The following KMT5B variants were observed in gnomAD, a reference collection of about 807,000 sequenced individuals.
KMT5B encodes histone-lysine N-methyltransferase KMT5B.
Under a neutral mutation model 83.2 loss-of-function variants are expected in KMT5B, and 10 were observed. The ratio of observed to expected loss-of-function variants is 0.12; its 90% CI spans 0.07 to 0.20. The LOEUF (loss-of-function observed/expected upper bound fraction) is 0.20. KMT5B is among the 10% of genes least tolerant of loss of function. KMT5B has a pLI of 1.00. For missense variants in KMT5B, 753 were observed against 1,067.2 expected (o/e 0.71, Z 4.10); for synonymous variants, 349 against 388.8 (o/e 0.90, Z 1.20).
intron 3 of KMT5B, among the ~76,000 whole-genome samples, chr11:68,182,093 G>GA (rs1477777017): frequency 1.3e-5 from 2 of 152,216 alleles, no homozygotes; most frequent in Non-Finnish European, 2.9e-5. Context: ...ATTCTATGGG[G>GA]AAAAATCTTA....
chr11:68,181,610 C>G (rs1476169983), intron 3 of KMT5B, among the ~76,000 whole-genome samples: 1 of 152,178 alleles, frequency 6.6e-6, no homozygotes, highest in Non-Finnish European at 1.5e-5. Context: ...CATAAACTAA[C>G]AATTTAAGAA....
chr11:68,176,709 C>T (rs1052683569), intron 4 of KMT5B: 18 of 152,082 alleles, frequency 1.2e-4, no homozygotes, highest in African/African-American at 3.9e-4. Flanking sequence ...TGCTTGAACT[C>T]GAGAGTTGAA....
rs1417582444 is a variant in KMT5B, at chr11:68,175,210, G to A, written c.378-27C>T. 4.4e-6 allele frequency: 7 copies of A among 1,591,958 alleles called. No homozygotes were observed. The East Asian group carries it at 1.3e-4, about 31-fold the overall frequency. ...TGAAAGAAATCAAAAGAATGAATGGGTTATCTGCCACAATCCTTGCGCCAC... is the reference window on the plus strand; with the variant it reads ...TGAAAGAAATCAAAAGAATGAATGGATTATCTGCCACAATCCTTGCGCCAC... On this transcript the variant is annotated intron_variant, in intron 4 of 10. Transcript: ENST00000304363.
chr11:68,212,527 T>C (rs574849800), intron 1 of KMT5B: 31 of 152,434 alleles, frequency 2.0e-4, no homozygotes, highest in African/African-American at 7.5e-4. Flanking sequence ...CGAGTTGTCA[T>C]TGTTCCTCCT....
intron 1 of KMT5B, among the ~76,000 whole-genome samples, chr11:68,202,509 T>C (rs1346780005): frequency 6.6e-6 from 1 of 151,670 alleles, no homozygotes; most frequent in Non-Finnish European, 1.5e-5. Flanking sequence ...TGTGTAATTA[T>C]CTGGTAACAC....
chr11:68,190,175 A>G, intron 1 of KMT5B, 23 bp from the exon 2 acceptor site: 1 of 1,092,132 alleles, frequency 9.2e-7, no homozygotes, highest in East Asian at 2.4e-5. Context: ...AAATATGAAA[A>G]ACAAAACAAA....
At chr11:68,161,604 G>A (rs983269299) in intron 10 of KMT5B, among the ~76,000 whole-genome samples, 5 of 152,060 alleles carry the variant, frequency 3.3e-5, no homozygotes, top group East Asian at 1.9e-4. Flanking sequence ...ACTTCTTGTC[G>A]TCAAACCCAG....
rs1859387284 is a variant in KMT5B, at chr11:68,157,535, TTGAG to T, written c.*149_*152del. 8.9e-7 allele frequency: 1 copy of T among 1,128,046 alleles called. No homozygotes were observed. Among genetic ancestry groups the T allele is most frequent in the Non-Finnish European group, 1.1e-6 (1 of 871,318 alleles). The allele number at this position is 1,128,046 out of a possible 1,614,324, so 69.9% of individuals were successfully genotyped here. A position where few individuals can be genotyped will look rare whatever the true frequency, so the allele number is the denominator to read the frequency against. ...AATTTGCACAAATCAGACTTAAGAA[TTGAG>T]TCAGTATGCTGTACACTTTCTACAA... On this transcript the variant is annotated 3_prime_UTR_variant, in exon 11 of 11. Coordinates refer to ENST00000304363, the MANE Select transcript of KMT5B (RefSeq NM_017635.5).
intron 1 of KMT5B, among the ~76,000 whole-genome samples, chr11:68,191,461 G>A (rs1403506707): frequency 3.9e-5 from 6 of 152,044 alleles, no homozygotes; most frequent in Non-Finnish European, 8.8e-5. Flanking sequence ...AGTCTCCTGA[G>A]TAGGTGGGAT....
intron 10 of KMT5B, among the ~76,000 whole-genome samples, chr11:68,164,269 T>C (rs997874188): frequency 3.3e-5 from 5 of 152,212 alleles, no homozygotes; most frequent in African/African-American, 1.2e-4. Flanking sequence ...TTTTTATACA[T>C]GTGTTCAAAG....
Position 68,157,564 on chromosome 11 carries a change from A to C in KMT5B, c.*124T>G. On this transcript the variant is annotated 3_prime_UTR_variant, in exon 11 of 11. Transcript: ENST00000304363. Reference sequence around the variant, plus strand: ...GTCAGTATGCTGTACACTTTCTACAATAGTATGCTGATAAGTGAAGGGACA... The same window carrying C: ...GTCAGTATGCTGTACACTTTCTACACTAGTATGCTGATAAGTGAAGGGACA... 1 of 1,378,122 alleles carries C rather than the reference A, an allele frequency of 7.3e-7. No individual in the cohort carries two copies. 85.4% of individuals were successfully genotyped at this position (1,378,122 alleles called of 1,614,324 possible).
In KMT5B at chr11:68,159,049, T is replaced by G; in HGVS notation, c.1297A>C (p.Asn433His). ...NSTSSKLTHI[N>H]NSRVPKKLKK... Reference sequence around the variant, plus strand: ...AGTTTCTTTGGTACCCTGGAATTATTTATATGAGTTAGCTTAGATGAGGTA... The same window carrying G: ...AGTTTCTTTGGTACCCTGGAATTATGTATATGAGTTAGCTTAGATGAGGTA... Residue 433 changes from asparagine to histidine, a missense_variant, in exon 11 of 11, where the codon AAT becomes CAT. Asn to His is a moderately conservative substitution (Grantham distance 68). Transcript: ENST00000304363. The G allele has an allele frequency of 6.2e-7, 1 of 1,613,066 alleles. No homozygotes were observed. Among genetic ancestry groups the G allele is most frequent in the East Asian group, 2.2e-5 (1 of 44,890 alleles).
chr11:68,174,163 A>AT (rs1234791432), intron 5 of KMT5B: 2 of 581,212 alleles, frequency 3.4e-6, no homozygotes, highest in African/African-American at 3.7e-5. Flanking sequence ...AGTGAGCCAT[A>AT]ATCAGGCCAC....
intron 9 of KMT5B, among the ~76,000 whole-genome samples, chr11:68,170,406 G>C (rs1305704081): frequency 6.6e-6 from 1 of 152,148 alleles, no homozygotes; most frequent in African/African-American, 2.4e-5. Context: ...GACTCTTCCT[G>C]CAGCCCTTGC....
rs1857842598 is a variant in KMT5B at position 68,189,776 on chromosome 11, A to G, written c.160+141T>C. 7.2e-6 allele frequency: 5 copies of G among 695,892 alleles called. No individual in the cohort carries two copies. The South Asian group carries it at 8.2e-5, about 11-fold the overall frequency. The allele number at this position is 695,892 out of a possible 1,614,324, so 43.1% of individuals were successfully genotyped here. On this transcript the variant is annotated intron_variant, in intron 2 of 10. Coordinates refer to ENST00000304363, the MANE Select transcript of KMT5B (RefSeq NM_017635.5). Reference sequence around the variant, plus strand: ...GAGAATAAAAATTGACACAACTTTGAGAGTAAAAAGACTATATTGTTAATT... The same window carrying G: ...GAGAATAAAAATTGACACAACTTTGGGAGTAAAAAGACTATATTGTTAATT...
At chr11:68,186,108 T>C (rs1002722757) in intron 2 of KMT5B, among the ~76,000 whole-genome samples, 180 bp from the exon 3 acceptor site, 5 of 152,174 alleles carry the variant, frequency 3.3e-5, no homozygotes, top group Admixed American at 3.3e-4. Context: ...GTAAACTATC[T>C]CCATTACTGA....
intron 1 of KMT5B, among the ~76,000 whole-genome samples, chr11:68,208,030 C>T (rs915884508): frequency 6.0e-5 from 9 of 150,070 alleles, no homozygotes; most frequent in African/African-American, 2.0e-4. Flanking sequence ...GTAGAGACAG[C>T]GTTTCACCAT....
chr11:68,175,954 G>T (rs1856331669), intron 4 of KMT5B, among the ~76,000 whole-genome samples: 1 of 147,480 alleles, frequency 6.8e-6, no homozygotes, highest in African/African-American at 2.5e-5. Context: ...TCACTCTGTG[G>T]CCCAGGCTGG....
intron 1 of KMT5B, among the ~76,000 whole-genome samples, chr11:68,196,784 G>A (rs1032043191): frequency 1.3e-5 from 2 of 151,938 alleles, no homozygotes; most frequent in Non-Finnish European, 2.9e-5. Flanking sequence ...CAGGAAAAGT[G>A]CTTTTGGTCC....
Sources: allele counts gnomAD v4.1 joint callset (sites outside exome capture counted in the v4.1 genomes callset), GRCh38; gene constraint gnomAD v4.1.1; transcripts MANE v1.5; gene names NCBI Gene and HGNC (gene_info 2026-07-23, HGNC 2026-07-21).